Variants in RNF214 observed in about 807,000 individuals in gnomAD.
RNF214 encodes the protein ring finger protein 214.
A neutral mutation model predicts 75.9 loss-of-function variants in RNF214; 25 were observed. The ratio of observed to expected loss-of-function variants is 0.33; its 90% CI spans 0.24 to 0.46. The LOEUF (loss-of-function observed/expected upper bound fraction) is 0.46. Ranked by LOEUF, RNF214 falls within the 20% of genes least tolerant of loss-of-function variation. The pLI, the probability that RNF214 is intolerant of heterozygous loss-of-function variation, is 1.00. For synonymous variants in RNF214, 314 were observed against 308.8 expected (o/e 1.02, Z -0.18); for missense variants, 725 against 857.5 (o/e 0.85, Z 1.93).
At chr11:117,282,874 C>A in intron 13 of RNF214, 24 bp downstream of exon 13, 1 of 1,548,506 alleles carries the variant, frequency 6.5e-7, no homozygotes, top group Non-Finnish European at 8.9e-7. Flanking sequence ...TCTTTGAACA[C>A]TGTGATATGG....
chr11:117,236,428 C>G (rs1202013532), intron 2 of RNF214, among the ~76,000 whole-genome samples: 1 of 152,074 alleles, frequency 6.6e-6, no homozygotes, highest in Non-Finnish European at 1.5e-5. Flanking sequence ...CGCCCGCCAC[C>G]ACACCCGGCT....
intron 6 of RNF214, among the ~76,000 whole-genome samples, chr11:117,268,025 T>G (rs2033834058): frequency 6.6e-6 from 1 of 152,232 alleles, no homozygotes; most frequent in African/African-American, 2.4e-5. Flanking sequence ...CTTACTCCCT[T>G]ATGTAGGTAG....
chr11:117,278,961 C>G (rs1217971234), intron 6 of RNF214, among the ~76,000 whole-genome samples: 1 of 152,110 alleles, frequency 6.6e-6, no homozygotes, highest in African/African-American at 2.4e-5. Context: ...GCCAGGCGTG[C>G]TGGCTTGTGT....
chr11:117,260,043 A>G (rs763539772), intron 6 of RNF214, among the ~76,000 whole-genome samples: 1 of 150,072 alleles, frequency 6.7e-6, no homozygotes, highest in African/African-American at 2.4e-5. Context: ...TTTAACTTTT[A>G]TATTCATGTC....
intron 6 of RNF214, among the ~76,000 whole-genome samples, chr11:117,270,831 T>G (rs2033896257): frequency 6.6e-6 from 1 of 152,218 alleles, no homozygotes; most frequent in South Asian, 2.1e-4. Flanking sequence ...ACTCAAGCAG[T>G]CCTCCTGCCT....
At chr11:117,262,997 G>T (rs1301923151) in intron 6 of RNF214, among the ~76,000 whole-genome samples, 2 of 151,828 alleles carry the variant, frequency 1.3e-5, no homozygotes, top group East Asian at 2.0e-4. Context: ...CATAGAGACG[G>T]AGTTTCACCA....
At chr11:117,246,751 A>G in intron 5 of RNF214, 58 bp from the exon 6 acceptor site, 1 of 1,443,072 alleles carries the variant, frequency 6.9e-7, no homozygotes, top group Non-Finnish European at 9.2e-7. Context: ...CTTTGCATCA[A>G]AAGAACTAAC....
In RNF214 at chr11:117,280,218, A is replaced by G. The variant is rs746681058; in HGVS notation, c.1104A>G (p.Glu368=). The G allele has an allele frequency of 1.1e-5, 18 of 1,613,742 alleles. No individual in the cohort carries two copies. The highest frequency in any genetic ancestry group is 1.4e-5 in the Non-Finnish European group (17 of 1,179,728). The change falls in exon 8 of 15, where the codon GAA becomes GAG. Residue 368 remains glutamate (E), a synonymous_variant. Coordinates refer to ENST00000300650, the MANE Select transcript of RNF214 (RefSeq NM_207343.4). ...SRKELLVLKL[E]EAEKEAELHL... is the part of the protein sequence containing the mutation. ...AAGAGTTACTGGTACTGAAACTAGA[A>G]GAAGCAGAAAAAGAGGCAGAATTGC...
chr11:117,234,307 A>C lies in RNF214; in HGVS notation c.35A>C (p.Asn12Thr). 1 of 1,614,208 alleles carries C rather than the reference A, an allele frequency of 6.2e-7. No individual in the cohort carries two copies. The highest frequency in any genetic ancestry group is 8.5e-7 in the Non-Finnish European group (1 of 1,180,014). ...TCTGAGGTTGCTGGTGTTGTGGCCAATGCCCCCAGTCCTCCGGAATCTTCT... is the reference window on the plus strand; with the variant it reads ...TCTGAGGTTGCTGGTGTTGTGGCCACTGCCCCCAGTCCTCCGGAATCTTCT... ...AASEVAGVVA[N>T]APSPPESSSL... Residue 12 changes from asparagine to threonine, a missense_variant, in exon 2 of 15, where the codon AAT becomes ACT. By Grantham distance (65) the Asn-to-Thr change is moderately conservative (BLOSUM62 0). Transcript: ENST00000300650.
At chr11:117,251,103 A>C (rs1042855685) in intron 6 of RNF214, among the ~76,000 whole-genome samples, 467 of 151,006 alleles carry the variant, frequency 3.1e-3, no homozygotes, top group Non-Finnish European at 5.0e-3. Context: ...CATTGTCATC[A>C]TGGCCCGTTC....
chr11:117,255,975 T>C (rs2033510093), intron 6 of RNF214, among the ~76,000 whole-genome samples: 1 of 152,260 alleles, frequency 6.6e-6, no homozygotes, highest in Admixed American at 6.5e-5. Flanking sequence ...AGGCCTTCAG[T>C]TACCTCTTTC....
intron 6 of RNF214, among the ~76,000 whole-genome samples, chr11:117,254,796 T>A (rs555643469): frequency 8.8e-4 from 134 of 152,244 alleles, no homozygotes; most frequent in Non-Finnish European, 1.7e-3. Flanking sequence ...GCTAATTTTT[T>A]ATATTTTTAT....
chr11:117,233,037 C>T (rs1015778445), intron 1 of RNF214, among the ~76,000 whole-genome samples: 2 of 152,144 alleles, frequency 1.3e-5, no homozygotes, highest in East Asian at 1.9e-4. Flanking sequence ...GTCCCCTTCC[C>T]GTCTGTCCCC....
chr11:117,262,771 C>T (rs1240045037), intron 6 of RNF214, among the ~76,000 whole-genome samples: 1 of 150,966 alleles, frequency 6.6e-6, no homozygotes, highest in Non-Finnish European at 1.5e-5. Context: ...GTTACTTAGG[C>T]CAGAGGGATG....
chr11:117,238,762 G>A lies in RNF214; in HGVS notation c.269G>A (p.Gly90Glu), dbSNP rs2032986083. 1 of 1,614,048 alleles carries A rather than the reference G, an allele frequency of 6.2e-7. No homozygotes were observed. Among genetic ancestry groups the A allele is most frequent in the Admixed American group, 1.7e-5 (1 of 59,998 alleles). ...DTSAAHQVVL[G>E]ENLIATALCL... is the part of the protein sequence containing the mutation. Reference sequence around the variant, plus strand: ...TCAGCAGCGCACCAGGTGGTTTTAGGAGAAAACTTGATAGCCACAGCCCTT... The same window carrying A: ...TCAGCAGCGCACCAGGTGGTTTTAGAAGAAAACTTGATAGCCACAGCCCTT... The change falls in exon 3 of 15, where the codon GGA (glycine) becomes GAA (glutamate). Residue 90 changes from glycine (G) to glutamate (E), a missense_variant. Transcript: ENST00000300650.
chr11:117,243,546 A>G (rs1422227335), intron 4 of RNF214, among the ~76,000 whole-genome samples: 1 of 152,190 alleles, frequency 6.6e-6, no homozygotes, highest in Non-Finnish European at 1.5e-5. Flanking sequence ...GAAAAAATTC[A>G]GTTTAGTGCT....
Position 117,281,965 on chromosome 11 carries a change from G to A in RNF214, c.1407G>A (p.Gln469=), listed in dbSNP as rs2034136461. The change falls in exon 11 of 15, where the codon CAG becomes CAA. Residue 469 remains glutamine (Q), a synonymous_variant. Transcript: ENST00000300650. ...LAPRMPFSIG[Q]VTMPMVMPSA... is the part of the protein sequence containing the mutation. ...CTCGGATGCCCTTCTCCATTGGGCA[G>A]GTCACAATGCCCATGGTTATGCCCA... 1 of 1,613,940 alleles carries A rather than the reference G, an allele frequency of 6.2e-7. No individual in the cohort carries two copies. Among genetic ancestry groups the A allele is most frequent in the Admixed American group, 1.7e-5 (1 of 59,998 alleles).
intron 6 of RNF214, among the ~76,000 whole-genome samples, chr11:117,271,935 C>T (rs1295087777): frequency 6.6e-6 from 1 of 152,138 alleles, no homozygotes; most frequent in African/African-American, 2.4e-5. Flanking sequence ...ACCTCAGCCT[C>T]CCAAGTAGCT....
intron 2 of RNF214, among the ~76,000 whole-genome samples, chr11:117,235,809 T>G (rs1017073855): frequency 2.1e-4 from 32 of 152,324 alleles, no homozygotes; most frequent in African/African-American, 7.5e-4. Flanking sequence ...AGTGATGTTG[T>G]GGTGTATGTG....
Sources: allele counts gnomAD v4.1 joint callset (sites outside exome capture counted in the v4.1 genomes callset), GRCh38; gene constraint gnomAD v4.1.1; transcripts MANE v1.5; gene names NCBI Gene and HGNC (gene_info 2026-07-23, HGNC 2026-07-21).